The following NUP210L variants were observed in gnomAD, a reference collection of about 807,000 sequenced individuals.
The protein encoded by NUP210L is nuclear pore membrane glycoprotein 210-like.
NUP210L carries 74 observed loss-of-function variants against 208.5 expected under a neutral mutation model. The ratio of observed to expected loss-of-function variants is 0.35; its 90% CI spans 0.29 to 0.43. The LOEUF is 0.43. Among genes scored for constraint, NUP210L ranks in the 20% least tolerant of loss-of-function variants. The probability of loss-of-function intolerance (pLI) is 1.00; values close to 1 mark genes in which losing one functional copy is unlikely to be tolerated. For synonymous variants in NUP210L, 780 were observed against 816.9 expected, an observed-to-expected ratio of 0.95 and a Z score of 0.77; for missense variants, 1,843 against 2,289.4, an observed-to-expected ratio of 0.81 and a Z score of 3.98.
chr1:154,110,274 A>G (rs1656977026), intron 12 of NUP210L, among the ~76,000 whole-genome samples: 1 of 149,594 alleles, frequency 6.7e-6, no homozygotes, highest in Non-Finnish European at 1.5e-5. Flanking sequence ...AAAACAACCC[A>G]ATGTTGTATT....
intron 5 of NUP210L, among the ~76,000 whole-genome samples, chr1:154,139,305 G>A (rs1571320186): frequency 6.6e-6 from 1 of 152,104 alleles, no homozygotes; most frequent in African/African-American, 2.4e-5. Flanking sequence ...CTACATCAAG[G>A]ATTGGTGAAT....
In NUP210L at chr1:153,992,938, A is replaced by G. The variant is rs1052197720; in HGVS notation, c.5567-3T>C. On this transcript the variant is annotated splice_polypyrimidine_tract_variant and splice_region_variant and intron_variant, in intron 39 of 39. Coordinates refer to ENST00000368559, the Ensembl canonical transcript of NUP210L. ...AGAACTTGTGGAGTTAAAAAAACCT[A>G]GAAGAAGAGGGAAAAGTTGAGTGAA... 1.2e-6 allele frequency: 2 copies of G among 1,610,412 alleles called. No homozygotes were observed. The highest frequency in any genetic ancestry group is 3.4e-5 in the Admixed American group (2 of 58,954).
chr1:154,027,446 G>GT (rs1418743297), intron 29 of NUP210L, 60 bp downstream of exon 29: 1 of 1,216,912 alleles, frequency 8.2e-7, no homozygotes, highest in African/African-American at 1.5e-5. Context: ...CTATGTCAAT[G>GT]TTTTACTGAA....
At chr1:154,046,465 C>A in intron 25 of NUP210L, 96 bp from the exon 26 acceptor site, 1 of 1,046,614 alleles carries the variant, frequency 9.6e-7, no homozygotes, top group Non-Finnish European at 1.5e-6. Flanking sequence ...TTGTTTTTAA[C>A]ATTCAGTAAA....
intron 33 of NUP210L, 61 bp downstream of exon 33, chr1:154,018,872 A>G (rs1651405406): frequency 1.9e-6 from 3 of 1,569,326 alleles, no homozygotes; most frequent in South Asian, 2.3e-5. Context: ...TTCTCTATGC[A>G]TATCCTCATA....
In NUP210L at chr1:154,061,081, A is replaced by G. The variant is rs759269610; in HGVS notation, c.2644-35T>C. 1.5e-5 allele frequency: 22 copies of G among 1,475,882 alleles called. No individual in the cohort carries two copies. In the Middle Eastern group the frequency reaches 6.9e-4, roughly 46 times the overall value. The allele number at this position is 1,475,882 out of a possible 1,614,324, so 91.4% of individuals were successfully genotyped here. On this transcript the variant is annotated intron_variant, in intron 18 of 39. Coordinates refer to ENST00000368559, the Ensembl canonical transcript of NUP210L. ...TAATAAGAACCACAAAAGTGAATATAAACATCTAATTCTTGGCCGCCCACG... is the reference window on the plus strand; with the variant it reads ...TAATAAGAACCACAAAAGTGAATATGAACATCTAATTCTTGGCCGCCCACG...
At chr1:154,129,858 C>T (rs1194298103) in intron 7 of NUP210L, among the ~76,000 whole-genome samples, 1 of 152,210 alleles carries the variant, frequency 6.6e-6, no homozygotes. Context: ...CCAAAATGTT[C>T]TCTGCATGCC....
chr1:154,094,393 G>A (rs1212924526), intron 15 of NUP210L, among the ~76,000 whole-genome samples: 4 of 152,164 alleles, frequency 2.6e-5, no homozygotes, highest in African/African-American at 9.7e-5. Flanking sequence ...AGGAGGCAGA[G>A]GGTGCAGTGA....
intron 3 of NUP210L, among the ~76,000 whole-genome samples, chr1:154,142,545 T>A (rs1260957911): frequency 6.6e-6 from 1 of 152,198 alleles, no homozygotes; most frequent in East Asian, 1.9e-4. Context: ...GTGTTCTTCA[T>A]TGTTGATCTA....
rs1352783216 is a variant in NUP210L at position 154,032,997 on chromosome 1, GAAAGA to G, written c.3697-2948_3697-2944del. ...AGAAAAGAAAAGAAAAGAAAAGAAA[GAAAGA>G]AAAAAAGAAAGAAAGAAAAAGAAGG... On this transcript the variant is annotated intron_variant, in intron 27 of 39. Coordinates refer to ENST00000368559, the Ensembl canonical transcript of NUP210L. Among the ~76,000 whole-genome samples the G allele has an allele frequency of 9.1e-5, 11 of 120,800 alleles. No individual in the cohort carries two copies. The East Asian group carries it at 2.6e-3, about 29-fold the overall frequency. 79.2% of individuals were successfully genotyped at this position (120,800 alleles called of 152,430 possible).
In NUP210L at chr1:154,155,024, T is replaced by G. The variant is rs1034614010; in HGVS notation, c.21A>C (p.Ser7=). ...AGAGCCCGAAGCCTCGGCGTCTTGATGACGCCGGACAGCCAGTCATGGCGA... is the reference window on the plus strand; with the variant it reads ...AGAGCCCGAAGCCTCGGCGTCTTGAGGACGCCGGACAGCCAGTCATGGCGA... Residue 7 remains serine, a synonymous_variant, in exon 1 of 40, where the codon TCA becomes TCC. Coordinates refer to ENST00000368559, the Ensembl canonical transcript of NUP210L. 4 of 1,609,126 alleles carry G rather than the reference T, an allele frequency of 2.5e-6. No individual in the cohort carries two copies. The African/African-American group carries it at 5.3e-5, about 22-fold the overall frequency.
intron 10 of NUP210L, among the ~76,000 whole-genome samples, chr1:154,119,608 A>C (rs1432794700): frequency 6.6e-6 from 1 of 152,020 alleles, no homozygotes; most frequent in Non-Finnish European, 1.5e-5. Flanking sequence ...ACAAACAAAC[A>C]AAAAACCAAA....
exon 31 of NUP210L, chr1:154,023,151 G>T (rs776685855): frequency 6.2e-7 from 1 of 1,613,830 alleles, no homozygotes; most frequent in East Asian, 2.2e-5. Context: ...GCTGGGTATT[G>T]TGTGTGTGGA....
chr1:154,045,398 T>C (rs1056762359), intron 27 of NUP210L, among the ~76,000 whole-genome samples: 1 of 152,268 alleles, frequency 6.6e-6, no homozygotes, highest in African/African-American at 2.4e-5. Context: ...ATTTATTTTT[T>C]ATACTTTATG....
At chr1:154,000,520 C>T (rs745425118) in intron 37 of NUP210L, among the ~76,000 whole-genome samples, 7 of 152,176 alleles carry the variant, frequency 4.6e-5, no homozygotes, top group Admixed American at 3.3e-4. Context: ...TTACTTGAAA[C>T]AAGCACTGCA....
rs1156752498 is a variant in NUP210L, at chr1:154,089,716, C to T, written c.2188-122G>A. The T allele has an allele frequency of 3.0e-5, 22 of 736,814 alleles. 1 individual carries two copies. Among genetic ancestry groups the T allele is most frequent in the Admixed American group, 1.2e-4 (5 of 40,218 alleles). The allele number at this position is 736,814 out of a possible 1,614,324, so 45.6% of individuals were successfully genotyped here. On this transcript the variant is annotated intron_variant, in intron 15 of 39. Transcript: ENST00000368559. Reference sequence around the variant, plus strand: ...AGAGAGTCCCTTTCACATTATAATCCGGCAAATCCCTTAAAGACATTATAG... The same window carrying T: ...AGAGAGTCCCTTTCACATTATAATCTGGCAAATCCCTTAAAGACATTATAG...
chr1:154,125,075 T>C (rs1308993770), intron 10 of NUP210L, among the ~76,000 whole-genome samples: 2 of 150,484 alleles, frequency 1.3e-5, no homozygotes, highest in African/African-American at 4.9e-5. Context: ...GAGGCTGACA[T>C]GGGAGGATCA....
intron 12 of NUP210L, among the ~76,000 whole-genome samples, chr1:154,105,758 C>T (rs1557980215): frequency 6.6e-6 from 1 of 152,168 alleles, no homozygotes; most frequent in Admixed American, 6.6e-5. Context: ...GGCCTTGGCT[C>T]CTGGATGGCA....
chr1:154,058,710 G>T lies in NUP210L; in HGVS notation c.2851-17C>A. ...TGGAACTAACTGGAAGTAAGAAGAT[G>T]GTAGCTGGATAAAGAAGCAAACATG... is the stretch of plus-strand genomic sequence containing the variant. On this transcript the variant is annotated splice_polypyrimidine_tract_variant and intron_variant, in intron 20 of 39. Coordinates refer to ENST00000368559, the Ensembl canonical transcript of NUP210L. 1 of 1,610,798 alleles carries T rather than the reference G, an allele frequency of 6.2e-7. No homozygotes were observed. Among genetic ancestry groups the T allele is most frequent in the South Asian group, 1.1e-5 (1 of 90,460 alleles).
Sources: gnomAD v4.1 joint callset for allele counts (sites outside exome capture counted in the v4.1 genomes callset) on GRCh38, gnomAD v4.1.1 for gene constraint, MANE v1.5 for transcripts, NCBI Gene and HGNC (gene_info 2026-07-23, HGNC 2026-07-21) for gene names.